Variants in AURKB observed in about 807,000 individuals in gnomAD.
AURKB encodes aurora kinase B-Sv1.
A neutral mutation model predicts 36.5 loss-of-function variants in AURKB; 28 were observed. That is an observed-to-expected ratio of 0.77 (90% CI 0.57 to 1.05). The LOEUF (loss-of-function observed/expected upper bound fraction) is 1.05. Among genes scored for constraint, AURKB ranks in the 50% least tolerant of loss-of-function variants. The pLI, the probability that AURKB is intolerant of heterozygous loss-of-function variation, is 0.00. For missense variants in AURKB, 383 were observed against 447.4 expected (o/e 0.86, Z 1.30); for synonymous variants, 175 against 172.9 (o/e 1.01, Z -0.09).
At chr17:8,207,099 T>C (rs369061154) in intron 5 of AURKB, 77 bp downstream of exon 5, 2 of 1,523,806 alleles carry the variant, frequency 1.3e-6, no homozygotes, top group East Asian at 2.3e-5. Flanking sequence ...GAAAGCAATC[T>C]GGATGAAGTG....
In AURKB at chr17:8,206,605, CA is replaced by C; in HGVS notation, c.571del (p.Cys191AlafsTer6). ...TCTGTGAATCACCTTCTTCCCATGGCAGTACATTAGAGCATCTGCCAACTCC... is the reference window on the plus strand; with the variant it reads ...TCTGTGAATCACCTTCTTCCCATGGCGTACATTAGAGCATCTGCCAACTCC... ...MEELADALMY[C>X]HGKKVIHRDI... On this transcript the variant is annotated frameshift_variant, in exon 7 of 9. Transcript: ENST00000585124. LOFTEE classifies it high-confidence loss of function. The surrounding 1 kb of genome is among the most constrained non-coding windows in gnomAD (Gnocchi z 4.2). 1 of 1,614,188 alleles carries C rather than the reference CA, an allele frequency of 6.2e-7. No homozygotes were observed. The highest frequency in any genetic ancestry group is 8.5e-7 in the Non-Finnish European group (1 of 1,180,034).
chr17:8,210,152 G>T, intron 2 of AURKB, 25 bp downstream of exon 2: 1 of 1,612,496 alleles, frequency 6.2e-7, no homozygotes, highest in South Asian at 1.1e-5. Context: ...TCATGGGGGC[G>T]CAGGGACGGA....
At chr17:8,210,145 T>TG in intron 2 of AURKB, 32 bp downstream of exon 2, 1 of 1,611,954 alleles carries the variant, frequency 6.2e-7, no homozygotes, top group Non-Finnish European at 8.5e-7. Context: ...TGCGGGGTCA[T>TG]GGGGGCGCAG....
At chr17:8,207,887 C>G in intron 2 of AURKB, 47 bp from the exon 3 acceptor site, 1 of 1,490,364 alleles carries the variant, frequency 6.7e-7, no homozygotes, top group Non-Finnish European at 9.2e-7. Context: ...TGTCTGATGA[C>G]CGGGGTGGAA....
chr17:8,206,932 G>T lies in AURKB; in HGVS notation c.399-44C>A. 6.2e-7 allele frequency: 1 copy of T among 1,613,202 alleles called. No homozygotes were observed. The highest frequency in any genetic ancestry group is 8.5e-7 in the Non-Finnish European group (1 of 1,179,922). ...GAGGCCTCAGGCCAAAGGCATAAAAGAGCTGGAAAAGATGATAGGAGCAAA... is the reference window on the plus strand; with the variant it reads ...GAGGCCTCAGGCCAAAGGCATAAAATAGCTGGAAAAGATGATAGGAGCAAA... On this transcript the variant is annotated intron_variant, in intron 5 of 8. Coordinates refer to ENST00000585124, the MANE Select transcript of AURKB (RefSeq NM_004217.4). The surrounding 1 kb of genome is among the most constrained non-coding windows in gnomAD (Gnocchi z 4.2).
intron 1 of AURKB, 79 bp downstream of exon 1, chr17:8,210,451 G>C (rs1985952291): frequency 1.8e-6 from 1 of 562,450 alleles, no homozygotes; most frequent in African/African-American, 2.0e-5. Context: ...GTGCGCGCAG[G>C]CCAGCCCAAC....
chr17:8,204,781 A>C lies in AURKB; in HGVS notation c.*90T>G, dbSNP rs920740820. On this transcript the variant is annotated 3_prime_UTR_variant, in exon 9 of 9. Coordinates refer to ENST00000585124, the MANE Select transcript of AURKB (RefSeq NM_004217.4). ...TTATTAAACAAAGGAGGAGGTAGAA[A>C]ACAGATAAGGGAACAGTTAGGGATC... The C allele has an allele frequency of 3.3e-6, 5 of 1,526,856 alleles. No individual in the cohort carries two copies. The highest frequency in any genetic ancestry group is 4.5e-6 in the Non-Finnish European group (5 of 1,122,708). The allele number at this position is 1,526,856 out of a possible 1,614,324, so 94.6% of individuals were successfully genotyped here.
chr17:8,210,215 T>G lies in AURKB; in HGVS notation c.10A>C (p.Lys4Gln). 1 of 1,609,248 alleles carries G rather than the reference T, an allele frequency of 6.2e-7. No individual in the cohort carries two copies. The highest frequency in any genetic ancestry group is 2.2e-5 in the East Asian group (1 of 44,762). The change falls in exon 2 of 9, where the codon AAG (lysine) becomes CAG (glutamine). Residue 4 changes from lysine (K) to glutamine (Q), a missense_variant. Physicochemically the swap from Lys to Gln is moderately conservative, Grantham distance 53. This residue lies in a region of AURKB where 105 missense variants were observed against 95.7 expected (regional missense o/e 1.10). Coordinates refer to ENST00000585124, the MANE Select transcript of AURKB (RefSeq NM_004217.4). The stretch of plus-strand genomic sequence containing the variant: ...TAGGGCCAGGGGTAGGAGTTCTCCT[T>G]CTGGGCCATCCTTAGAGAGAAAGGG... The part of the protein sequence containing the change: MAQ[K>Q]ENSYPWPYGR...
At position 8,210,208 on chromosome 17, in the gene AURKB, T is replaced by C. The variant is rs779961970; in HGVS notation, c.17A>G (p.Asn6Ser). 6.2e-7 allele frequency: 1 copy of C among 1,608,886 alleles called. No individual in the cohort carries two copies. Among genetic ancestry groups the C allele is most frequent in the East Asian group, 2.2e-5 (1 of 44,684 alleles). MAQKENSYPWPYGRQT... is the reference protein window; with the variant it reads MAQKESSYPWPYGRQT... ...TCGGCCGTAGGGCCAGGGGTAGGAGTTCTCCTTCTGGGCCATCCTTAGAGA... is the reference window on the plus strand; with the variant it reads ...TCGGCCGTAGGGCCAGGGGTAGGAGCTCTCCTTCTGGGCCATCCTTAGAGA... Residue 6 changes from asparagine to serine, a missense_variant, in exon 2 of 9, where the codon AAC (asparagine) becomes AGC (serine). Around this residue, in one of 3 missense-constraint regions of AURKB, gnomAD observed 105 missense variants for 95.7 expected, o/e 1.10. Coordinates refer to ENST00000585124, the MANE Select transcript of AURKB (RefSeq NM_004217.4).
At position 8,207,554 on chromosome 17, in the gene AURKB, A is replaced by G. The variant is rs763535921; in HGVS notation, c.206+17T>C. ...TGTCCCCTCACCCCCGTCCACCCCC[A>G]GGCTTGGGGCACTTACGTTAAGATG... On this transcript the variant is annotated intron_variant, in intron 4 of 8. Transcript: ENST00000585124. 6.2e-7 allele frequency: 1 copy of G among 1,611,216 alleles called. No individual in the cohort carries two copies. Among genetic ancestry groups the G allele is most frequent in the South Asian group, 1.1e-5 (1 of 90,898 alleles).
chr17:8,209,968 T>C (rs1985886388), intron 2 of AURKB: 1 of 639,660 alleles, frequency 1.6e-6, no homozygotes, highest in African/African-American at 1.8e-5. Flanking sequence ...TGGGAGTCAC[T>C]GGCTGGTCAG....
chr17:8,209,878 A>T (rs1231647661), intron 2 of AURKB: 2 of 495,774 alleles, frequency 4.0e-6, no homozygotes, highest in Middle Eastern at 1.0e-3. Flanking sequence ...ATTGGGAATC[A>T]TGGCCTGAAG....
Position 8,207,313 on chromosome 17 carries a change from C to T in AURKB, c.261G>A (p.Lys87=), listed in dbSNP as rs781262331. ...CCCGAGCCAAGTACACGTTTCCAAA[C>T]TTGCCTTTGCCCAGAGGACGCCCAA... ...FEIGRPLGKG[K]FGNVYLAREK... Residue 87 remains lysine, a synonymous_variant, in exon 5 of 9, where the codon AAG becomes AAA. Coordinates refer to ENST00000585124, the MANE Select transcript of AURKB (RefSeq NM_004217.4). 1 of 1,614,218 alleles carries T rather than the reference C, an allele frequency of 6.2e-7. No individual in the cohort carries two copies.
intron 2 of AURKB, among the ~76,000 whole-genome samples, chr17:8,209,678 G>A (rs1414285567): frequency 6.6e-6 from 1 of 152,046 alleles, no homozygotes; most frequent in African/African-American, 2.4e-5. Flanking sequence ...CAGAGAGGAG[G>A]CCCTTCAATG....
rs1985015310 is a variant in AURKB, at chr17:8,204,937, G to A, written c.969C>T (p.Ala323=). 6.2e-7 allele frequency: 1 copy of A among 1,608,560 alleles called. No individual in the cohort carries two copies. Among genetic ancestry groups the A allele is most frequent in the Non-Finnish European group, 8.5e-7 (1 of 1,178,792 alleles). Residue 323 remains alanine, a synonymous_variant, in exon 9 of 9, where the codon GCC becomes GCT. Coordinates refer to ENST00000585124, the MANE Select transcript of AURKB (RefSeq NM_004217.4). ...SERLPLAQVS[A]HPWVRANSRR... is the part of the protein sequence containing the mutation. ...GAGAGTTGGCCCGGACCCAAGGGTG[G>A]GCTGAGACCTGGGCCAGGGGCAGCC...
Position 8,207,256 on chromosome 17 carries a change from C to T in AURKB, c.318G>A (p.Lys106=), listed in dbSNP as rs751088873. 2.5e-6 allele frequency: 4 copies of T among 1,614,006 alleles called. No individual in the cohort carries two copies. The Admixed American group carries it at 5.0e-5, about 20-fold the overall frequency. Residue 106 remains lysine, a synonymous_variant, in exon 5 of 9, where the codon AAG becomes AAA. Coordinates refer to ENST00000585124, the MANE Select transcript of AURKB (RefSeq NM_004217.4). ...TCTCTATCTGGGACTTGAAGAGGACCTTGAGCGCCACGATGAAATGGCTTT... is the reference window on the plus strand; with the variant it reads ...TCTCTATCTGGGACTTGAAGAGGACTTTGAGCGCCACGATGAAATGGCTTT... The part of the protein sequence containing the change: ...EKKSHFIVAL[K]VLFKSQIEKE...
chr17:8,206,902 C>T lies in AURKB; in HGVS notation c.399-14G>A. On this transcript the variant is annotated splice_polypyrimidine_tract_variant and intron_variant, in intron 5 of 8. Coordinates refer to ENST00000585124, the MANE Select transcript of AURKB (RefSeq NM_004217.4). The surrounding 1 kb of genome is among the most constrained non-coding windows in gnomAD (Gnocchi z 4.2). ...ATGTTGGGATGGCTGGGGGAAGAGA[C>T]AGAGGAGGCCTCAGGCCAAAGGCAT... 6.2e-7 allele frequency: 1 copy of T among 1,614,104 alleles called. No homozygotes were observed. Among genetic ancestry groups the T allele is most frequent in the Non-Finnish European group, 8.5e-7 (1 of 1,180,042 alleles).
At chr17:8,209,559 G>A (rs1985837056) in intron 2 of AURKB, among the ~76,000 whole-genome samples, 1 of 152,152 alleles carries the variant, frequency 6.6e-6, no homozygotes, top group Non-Finnish European at 1.5e-5. Flanking sequence ...GCCCCAAATA[G>A]TGATATTGGT....
intron 2 of AURKB, chr17:8,209,903 G>A: frequency 1.8e-6 from 1 of 541,806 alleles, no homozygotes; most frequent in Non-Finnish European, 3.2e-6. Context: ...GGCCCTGCCT[G>A]CTCAGTCCCA....
Sources: allele counts gnomAD v4.1 joint callset (sites outside exome capture counted in the v4.1 genomes callset), GRCh38; gene constraint gnomAD v4.1.1; regional missense constraint gnomAD v4.1.1; non-coding constraint Gnocchi (gnomAD v3.1); transcripts MANE v1.5; gene names NCBI Gene and HGNC (gene_info 2026-07-23, HGNC 2026-07-21).